Variants in PLAUR observed in about 807,000 individuals in gnomAD.
PLAUR encodes plasminogen activator, urokinase receptor.
In PLAUR, 22 loss-of-function variants were observed where a neutral mutation model predicts 33.4. The ratio of observed to expected loss-of-function variants is 0.66; its 90% CI spans 0.47 to 0.94. The LOEUF (loss-of-function observed/expected upper bound fraction) is 0.94, where lower values mean the gene tolerates loss of function less well. Ranked by LOEUF, PLAUR falls within the 40% of genes least tolerant of loss-of-function variation. The probability of loss-of-function intolerance (pLI) is 0.00; values close to 1 mark genes in which losing one functional copy is unlikely to be tolerated. For synonymous variants in PLAUR, 148 were observed against 167.3 expected (o/e 0.88, Z 0.89); for missense variants, 408 against 434.7 (o/e 0.94, Z 0.55).
intron 5 of PLAUR, 41 bp downstream of exon 5, chr19:43,655,398 C>A: frequency 1.2e-6 from 2 of 1,606,562 alleles, no homozygotes; most frequent in Non-Finnish European, 1.7e-6. Flanking sequence ...GTGCATGCCC[C>A]TGCCCGACCC....
At chr19:43,652,087 T>C (rs1382696454) in intron 6 of PLAUR, 138 bp downstream of exon 6, 5 of 1,480,868 alleles carry the variant, frequency 3.4e-6, no homozygotes, top group African/African-American at 1.4e-5. Flanking sequence ...TACAATAATA[T>C]TCACCCACCT....
rs377171020 is a variant in PLAUR, at chr19:43,665,280, C to T, written c.310+36G>A. The T allele has an allele frequency of 8.1e-6, 13 of 1,608,284 alleles. No homozygotes were observed. The African/African-American group carries it at 1.1e-4, about 13-fold the overall frequency. ...GATGATGAGGTTGAGCTGGGGATGGCTTGGGGTTGGGGATGGCAAGGGCTG... is the reference window on the plus strand; with the variant it reads ...GATGATGAGGTTGAGCTGGGGATGGTTTGGGGTTGGGGATGGCAAGGGCTG... On this transcript the variant is annotated intron_variant, in intron 3 of 6. Transcript: ENST00000340093.
At chr19:43,647,441 C>T (rs1973842655), downstream of PLAUR, among the ~76,000 whole-genome samples, 1 of 152,116 alleles carries the variant, frequency 6.6e-6, no homozygotes, top group African/African-American at 2.4e-5. Flanking sequence ...TAGTTGCAAC[C>T]TTTGAAGTTT....
chr19:43,662,890 T>C (rs1967066690), intron 3 of PLAUR, among the ~76,000 whole-genome samples: 1 of 152,134 alleles, frequency 6.6e-6, no homozygotes, highest in Non-Finnish European at 1.5e-5. Flanking sequence ...AATTTTTTAA[T>C]TTTTTTGTAG....
chr19:43,649,552 AAAAG>A (rs1293887557), intron 6 of PLAUR, among the ~76,000 whole-genome samples: 5 of 150,912 alleles, frequency 3.3e-5, no homozygotes, highest in South Asian at 2.1e-4. Flanking sequence ...AAAACAAATA[AAAAG>A]AAAGAAAGGA....
chr19:43,661,335 C>T (rs1030676534), intron 3 of PLAUR: 4 of 152,228 alleles, frequency 2.6e-5, no homozygotes, highest in African/African-American at 9.6e-5. Flanking sequence ...CTGTGGAACC[C>T]AAATTCTACA....
intron 3 of PLAUR, among the ~76,000 whole-genome samples, chr19:43,662,720 G>GTT (rs58333136): frequency 7.1e-6 from 1 of 141,792 alleles, no homozygotes; most frequent in Non-Finnish European, 1.5e-5. Flanking sequence ...CCTTTCCACT[G>GTT]TTTTTTTTTT....
chr19:43,649,623 A>AAAAG (rs140203748), intron 6 of PLAUR, among the ~76,000 whole-genome samples: 2 of 148,700 alleles, frequency 1.3e-5, no homozygotes, highest in African/African-American at 5.0e-5. Context: ...GAAGGGAAAG[A>AAAAG]AAAGAAAGAA....
At chr19:43,648,060 G>A (rs533560067), downstream of PLAUR, among the ~76,000 whole-genome samples, 9 of 151,992 alleles carry the variant, frequency 5.9e-5, no homozygotes, top group South Asian at 4.2e-4. Context: ...GTCTCTGGTC[G>A]GAAGGGAGGC....
At chr19:43,646,690 C>T (rs1973829565), downstream of PLAUR, 1 of 550,140 alleles carries the variant, frequency 1.8e-6, no homozygotes, top group Admixed American at 2.8e-5. Context: ...GACCTCACTT[C>T]TTTAAGCCAC....
At chr19:43,667,453 G>A in intron 2 of PLAUR, 128 bp downstream of exon 2, 1 of 665,548 alleles carries the variant, frequency 1.5e-6, no homozygotes, top group Non-Finnish European at 2.7e-6. Context: ...AATCTGGTGG[G>A]TGTGAAATGG....
chr19:43,656,741 C>G, intron 3 of PLAUR, 101 bp from the exon 4 acceptor site: 1 of 956,350 alleles, frequency 1.0e-6, no homozygotes, highest in South Asian at 1.7e-5. Flanking sequence ...TTATCCCACC[C>G]TGCAGCCAGT....
rs1974221597 is a variant in PLAUR, at chr19:43,656,575, T to A, written c.376A>T (p.Ser126Cys). ...CTCTGGTGCCGGCCCCTCTCACAGC[T>A]CATGTCTGATGAGCCACAGGAAATG... is the stretch of plus-strand genomic sequence containing the variant. ...ECISCGSSDM[S>C]CERGRHQSLQ... is the part of the protein sequence containing the mutation. The change falls in exon 4 of 7, where the codon AGC (serine) becomes TGC (cysteine). Residue 126 changes from serine to cysteine, a missense_variant. By Grantham distance (112) the Ser-to-Cys change is moderately radical (BLOSUM62 -1). Coordinates refer to ENST00000340093, the MANE Select transcript of PLAUR (RefSeq NM_002659.4). 6.2e-7 allele frequency: 1 copy of A among 1,612,696 alleles called. No homozygotes were observed. Among genetic ancestry groups the A allele is most frequent in the African/African-American group, 1.3e-5 (1 of 74,808 alleles).
At chr19:43,652,589 C>T (rs4251909) in intron 5 of PLAUR, among the ~76,000 whole-genome samples, 11,626 of 152,176 alleles carry the variant, frequency 0.076, 583 homozygotes, top group South Asian at 0.16. Context: ...GGCCAGGCAC[C>T]GTGCTGGGTG....
intron 1 of PLAUR, among the ~76,000 whole-genome samples, chr19:43,669,040 G>C (rs1967405208): frequency 6.6e-6 from 1 of 152,148 alleles, no homozygotes; most frequent in Admixed American, 6.5e-5. Context: ...GGAGTATCCC[G>C]GAGCTGTTAC....
downstream of PLAUR, chr19:43,646,651 G>A: frequency 1.5e-6 from 1 of 666,480 alleles, no homozygotes; most frequent in Non-Finnish European, 2.7e-6. Context: ...CAGTCACAGA[G>A]TCACTCATAT....
intron 5 of PLAUR, among the ~76,000 whole-genome samples, chr19:43,653,121 C>T (rs1015271365): frequency 6.6e-6 from 1 of 152,120 alleles, no homozygotes; most frequent in African/African-American, 2.4e-5. Flanking sequence ...CCAGAATTTA[C>T]AATTTAGAGC....
Position 43,655,479 on chromosome 19 carries a change from G to A in PLAUR, c.567C>T (p.Phe189=). ...NGFHNNDTFH[F]LKCCNTTKCN... ...ATTTGGTGGTGTTGCAGCATTTCAG[G>A]AAGTGGAAGGTGTCGTTGTTGTGGA... The change falls in exon 5 of 7, where the codon TTC becomes TTT. Residue 189 remains phenylalanine, a synonymous_variant. Coordinates refer to ENST00000340093, the MANE Select transcript of PLAUR (RefSeq NM_002659.4). 6.2e-7 allele frequency: 1 copy of A among 1,614,216 alleles called. No individual in the cohort carries two copies. The highest frequency in any genetic ancestry group is 8.5e-7 in the Non-Finnish European group (1 of 1,180,036).
At chr19:43,662,778 G>C (rs1488591200) in intron 3 of PLAUR, among the ~76,000 whole-genome samples, 1 of 150,836 alleles carries the variant, frequency 6.6e-6, no homozygotes, top group Non-Finnish European at 1.5e-5. Context: ...ACAGTGGTGC[G>C]ATCATAGCTT....
Sources: allele counts gnomAD v4.1 joint callset (sites outside exome capture counted in the v4.1 genomes callset), GRCh38; gene constraint gnomAD v4.1.1; transcripts MANE v1.5; gene names NCBI Gene and HGNC (gene_info 2026-07-23, HGNC 2026-07-21).